GABRR2: variants seen among roughly 807,000 people sequenced by gnomAD.
GABRR2 encodes the protein gamma-aminobutyric acid receptor subunit rho-2.
A neutral mutation model predicts 47.0 loss-of-function variants in GABRR2; 36 were observed. The ratio of observed to expected loss-of-function variants is 0.77; its 90% CI spans 0.59 to 1.01. GABRR2 has a LOEUF of 1.01. Ranked by LOEUF, GABRR2 falls within the 50% of genes least tolerant of loss-of-function variation. GABRR2 has a pLI of 0.00. For missense variants in GABRR2, 587 were observed against 594.6 expected (o/e 0.99, Z 0.13); for synonymous variants, 204 against 227.5 (o/e 0.90, Z 0.93).
At chr6:89,298,341 T>C (rs182368291) in intron 2 of GABRR2, among the ~76,000 whole-genome samples, 11 of 152,334 alleles carry the variant, frequency 7.2e-5, no homozygotes, top group African/African-American at 2.6e-4. Context: ...AGCTGGGTTT[T>C]TCAGAGGGGA....
chr6:89,266,474 G>A (rs1582437900), intron 6 of GABRR2, among the ~76,000 whole-genome samples: 1 of 152,158 alleles, frequency 6.6e-6, no homozygotes, highest in African/African-American at 2.4e-5. Context: ...TTTATTGTGA[G>A]ACCCTAATCC....
intron 2 of GABRR2, among the ~76,000 whole-genome samples, chr6:89,275,340 C>T (rs969279310): frequency 4.6e-5 from 7 of 152,186 alleles, no homozygotes; most frequent in African/African-American, 1.7e-4. Flanking sequence ...GTGGCATGAT[C>T]TCGGCTCACT....
chr6:89,273,174 G>A (rs1253853188), intron 2 of GABRR2, among the ~76,000 whole-genome samples: 1 of 152,100 alleles, frequency 6.6e-6, no homozygotes, highest in Non-Finnish European at 1.5e-5. Context: ...CTATTTTTCT[G>A]TGTTCCTCAG....
intron 1 of GABRR2, among the ~76,000 whole-genome samples, chr6:89,306,791 AAGAG>A (rs761390940): frequency 5.9e-5 from 9 of 152,226 alleles, no homozygotes; most frequent in Non-Finnish European, 1.2e-4. Flanking sequence ...AACAAAAAAA[AAGAG>A]AGAGAAAAGG....
chr6:89,262,499 C>T (rs923204998), intron 8 of GABRR2, among the ~76,000 whole-genome samples: 2 of 152,118 alleles, frequency 1.3e-5, no homozygotes. Flanking sequence ...AGGATGGCCA[C>T]CTTGCAGACT....
chr6:89,260,602 G>A (rs981813532), intron 8 of GABRR2, among the ~76,000 whole-genome samples: 1 of 152,142 alleles, frequency 6.6e-6, no homozygotes, highest in Non-Finnish European at 1.5e-5. Context: ...CGGGTCCCAG[G>A]CAGCTTTTAC....
intron 8 of GABRR2, among the ~76,000 whole-genome samples, chr6:89,261,341 G>A (rs1236585726): frequency 6.6e-6 from 1 of 152,142 alleles, no homozygotes; most frequent in Non-Finnish European, 1.5e-5. Flanking sequence ...TTAAAAATAA[G>A]CAACCTAGTA....
intron 2 of GABRR2, among the ~76,000 whole-genome samples, chr6:89,288,272 A>G (rs1774365753): frequency 6.6e-6 from 1 of 150,670 alleles, no homozygotes; most frequent in African/African-American, 2.4e-5. Context: ...GGGTGGGGGC[A>G]AAGACAAAAA....
intron 1 of GABRR2, among the ~76,000 whole-genome samples, chr6:89,312,938 A>C (rs527994583): frequency 6.6e-6 from 1 of 152,332 alleles, no homozygotes; most frequent in East Asian, 1.9e-4. Context: ...GCCCAGGCTC[A>C]TGCGCGGGTT....
Position 89,264,451 on chromosome 6 carries a change from G to T in GABRR2, c.1047C>A (p.Thr349=). The change falls in exon 8 of 9, where the codon ACC becomes ACA. Residue 349 remains threonine, a synonymous_variant. Coordinates refer to ENST00000402938, the MANE Select transcript of GABRR2 (RefSeq NM_002043.5). ...VLEYAAVNYL[T]TVQERKERKL... ...TCCGTTCCTTGCGCTCCTGCACGGT[G>T]GTCAGGTAGTTGACAGCCGCATACT... The T allele has an allele frequency of 6.2e-7, 1 of 1,614,038 alleles. No homozygotes were observed. Among genetic ancestry groups the T allele is most frequent in the African/African-American group, 1.3e-5 (1 of 75,026 alleles).
chr6:89,296,645 C>T lies in GABRR2; in HGVS notation c.220+3114G>A, dbSNP rs1488024900. Among the ~76,000 whole-genome samples the T allele has an allele frequency of 2.0e-5, 3 of 152,242 alleles. No homozygotes were observed. The East Asian group carries it at 5.8e-4, about 29-fold the overall frequency. Reference sequence around the variant, plus strand: ...AGGGGCAGGGAGCAGTCCTGACCCTCTACGCTCTGGAGGGCCCCACAGAAG... The same window carrying T: ...AGGGGCAGGGAGCAGTCCTGACCCTTTACGCTCTGGAGGGCCCCACAGAAG... On this transcript the variant is annotated intron_variant, in intron 2 of 8. Transcript: ENST00000402938.
chr6:89,300,236 G>A (rs1303120188), intron 1 of GABRR2, among the ~76,000 whole-genome samples: 1 of 152,202 alleles, frequency 6.6e-6, no homozygotes, highest in Non-Finnish European at 1.5e-5. Flanking sequence ...GGGGCTAGGT[G>A]CAGTGGCTCA....
At position 89,254,702 on chromosome 6, in the gene GABRR2, T is replaced by C. The variant is rs1436922621; in HGVS notation, c.*2968A>G. The stretch of plus-strand genomic sequence containing the variant: ...GTGTTTGCTTCTCTGTCTTCCTGCC[T>C]CCAGGGTGAATCATCCCATGTTCTC... On this transcript the variant is annotated 3_prime_UTR_variant, in exon 9 of 9. Transcript: ENST00000402938. Among the ~76,000 whole-genome samples the C allele has an allele frequency of 6.6e-6, 1 of 152,218 alleles. No homozygotes were observed. The highest frequency in any genetic ancestry group is 1.5e-5 in the Non-Finnish European group (1 of 68,028).
chr6:89,269,684 C>A (rs1255815080), intron 3 of GABRR2, among the ~76,000 whole-genome samples: 1 of 152,182 alleles, frequency 6.6e-6, no homozygotes, highest in Non-Finnish European at 1.5e-5. Flanking sequence ...TTATAAGATC[C>A]TTGAAGGAAA....
chr6:89,302,664 G>C (rs920023245), intron 1 of GABRR2: 24 of 1,293,820 alleles, frequency 1.9e-5, no homozygotes, highest in Non-Finnish European at 2.5e-5. Context: ...GAACATGATG[G>C]CTGCCCGCGA....
intron 1 of GABRR2, among the ~76,000 whole-genome samples, chr6:89,305,497 G>T (rs149786089): frequency 5.7e-4 from 86 of 152,018 alleles, no homozygotes; most frequent in Admixed American, 1.3e-3. Flanking sequence ...TGAGCAACAT[G>T]GTGCCACATC....
chr6:89,269,276 G>C, intron 3 of GABRR2, 42 bp from the exon 4 acceptor site: 1 of 1,491,418 alleles, frequency 6.7e-7, no homozygotes, highest in Non-Finnish European at 9.4e-7. Context: ...TGGCTTAGAA[G>C]GTTTTCTTCC....
At position 89,265,835 on chromosome 6, in the gene GABRR2, C is replaced by A. The variant is rs1401998597; in HGVS notation, c.737-70G>T. Reference sequence around the variant, plus strand: ...GAAAGCAAACTGTGTCCCTGGGAACCCGTCTTTCACTGACTTGGCTCTCCT... The same window carrying A: ...GAAAGCAAACTGTGTCCCTGGGAACACGTCTTTCACTGACTTGGCTCTCCT... On this transcript the variant is annotated intron_variant, in intron 6 of 8. Coordinates refer to ENST00000402938, the MANE Select transcript of GABRR2 (RefSeq NM_002043.5). 5 of 1,493,234 alleles carry A rather than the reference C, an allele frequency of 3.3e-6. No individual in the cohort carries two copies. The African/African-American group carries it at 4.1e-5, about 12-fold the overall frequency. 92.5% of individuals were successfully genotyped at this position (1,493,234 alleles called of 1,614,324 possible). A position where few individuals can be genotyped will look rare whatever the true frequency, so the allele number is the denominator to read the frequency against.
intron 1 of GABRR2, among the ~76,000 whole-genome samples, chr6:89,304,001 C>T (rs1051315698): frequency 7.2e-5 from 11 of 152,148 alleles, no homozygotes; most frequent in African/African-American, 2.7e-4. Flanking sequence ...CTATAAAAAC[C>T]CTGGAAGACA....
Sources: gnomAD v4.1 joint callset for allele counts (sites outside exome capture counted in the v4.1 genomes callset) on GRCh38, gnomAD v4.1.1 for gene constraint, MANE v1.5 for transcripts, NCBI Gene and HGNC (gene_info 2026-07-23, HGNC 2026-07-21) for gene names.